The following KALRN variants were observed in gnomAD, a reference collection of about 807,000 sequenced individuals.
KALRN encodes the protein kalirin RhoGEF kinase, also known as kalirin.
A neutral mutation model predicts 353.7 loss-of-function variants in KALRN; 70 were observed. That is an observed-to-expected ratio of 0.20 (90% confidence interval 0.16 to 0.24). KALRN has a LOEUF of 0.24. KALRN is among the 10% of genes least tolerant of loss of function. The pLI is 1.00. For missense variants in KALRN, 2,791 were observed against 3,756.7 expected (o/e 0.74, Z 6.72); for synonymous variants, 1,391 against 1,434.8 (o/e 0.97, Z 0.69).
chr3:124,117,944 G>T (rs1382618069), intron 1 of KALRN, among the ~76,000 whole-genome samples: 3 of 152,166 alleles, frequency 2.0e-5, no homozygotes, highest in African/African-American at 4.8e-5. Context: ...TTCTCACAGT[G>T]CCAGGGATTT....
intron 34 of KALRN, among the ~76,000 whole-genome samples, chr3:124,588,708 G>C (rs966401009): frequency 6.6e-6 from 1 of 152,134 alleles, no homozygotes; most frequent in Non-Finnish European, 1.5e-5. Flanking sequence ...TTACAGGTGT[G>C]AGTCACCGTG....
At chr3:124,377,499 A>C (rs1040489646) in intron 10 of KALRN, among the ~76,000 whole-genome samples, 1 of 152,072 alleles carries the variant, frequency 6.6e-6, no homozygotes, top group Non-Finnish European at 1.5e-5. Context: ...TTCTGTGAGC[A>C]CTTGAAAAGA....
chr3:124,217,511 T>A (rs992018664), intron 1 of KALRN, among the ~76,000 whole-genome samples: 19 of 152,302 alleles, frequency 1.2e-4, no homozygotes, highest in African/African-American at 4.6e-4. Context: ...TGCTTCTTGG[T>A]TACCACAATA....
intron 1 of KALRN, among the ~76,000 whole-genome samples, chr3:124,064,084 T>C (rs2042166797): frequency 6.6e-6 from 1 of 152,180 alleles, no homozygotes. Context: ...GGCCCCATGT[T>C]AAGGATTGAG....
chr3:124,499,788 G>A (rs373408510), intron 33 of KALRN, among the ~76,000 whole-genome samples: 7 of 152,130 alleles, frequency 4.6e-5, no homozygotes, highest in African/African-American at 7.2e-5. Flanking sequence ...ATTGTACCAC[G>A]TTTTACCAGT....
chr3:124,599,510 C>G (rs2076592389), intron 34 of KALRN, among the ~76,000 whole-genome samples: 2 of 152,204 alleles, frequency 1.3e-5, no homozygotes. Flanking sequence ...CATTTCTGTT[C>G]TGAGGCATTG....
chr3:124,457,440 A>G (rs1016100952), intron 23 of KALRN, among the ~76,000 whole-genome samples: 1 of 152,182 alleles, frequency 6.6e-6, no homozygotes, highest in African/African-American at 2.4e-5. Flanking sequence ...ATTATTTGCA[A>G]AAACTTCCCA....
chr3:124,145,129 C>A (rs12053915), intron 1 of KALRN, among the ~76,000 whole-genome samples: 53,879 of 151,844 alleles, frequency 0.35, 9,693 homozygotes, highest in East Asian at 0.47. Flanking sequence ...GAAAAGATGC[C>A]CAGCAGCTGG....
intron 1 of KALRN, among the ~76,000 whole-genome samples, chr3:124,093,333 C>T (rs1264340712): frequency 6.6e-6 from 1 of 152,218 alleles, no homozygotes; most frequent in Non-Finnish European, 1.5e-5. Context: ...AGTGAGAAGG[C>T]ATTGCTGGCA....
chr3:124,654,554 C>T (rs2083787562), intron 38 of KALRN, among the ~76,000 whole-genome samples: 1 of 152,202 alleles, frequency 6.6e-6, no homozygotes, highest in East Asian at 1.9e-4. Context: ...CAGTAGGTTG[C>T]ACAGCACCAC....
intron 32 of KALRN, among the ~76,000 whole-genome samples, chr3:124,493,814 C>G (rs548409577): frequency 6.6e-6 from 1 of 152,312 alleles, no homozygotes; most frequent in South Asian, 2.1e-4. Context: ...GGGGCGGAAG[C>G]CCCAAGACCT....
chr3:124,047,635 G>A (rs2040614663), intron 1 of KALRN, among the ~76,000 whole-genome samples: 2 of 151,154 alleles, frequency 1.3e-5, no homozygotes, highest in African/African-American at 4.9e-5. Context: ...TGCAACTACA[G>A]GCGCCCGCCA....
chr3:124,371,596 C>T (rs895317729), intron 10 of KALRN, among the ~76,000 whole-genome samples: 30 of 152,002 alleles, frequency 2.0e-4, no homozygotes, highest in African/African-American at 6.8e-4. Context: ...GAAACATTTG[C>T]AAAACAAATG....
At chr3:124,164,066 G>A in intron 1 of KALRN, 1 of 751,436 alleles carries the variant, frequency 1.3e-6, no homozygotes. Flanking sequence ...AGCTATCACT[G>A]CATCCAGATT....
At chr3:124,614,755 A>G (rs1379951729) in intron 34 of KALRN, among the ~76,000 whole-genome samples, 3 of 151,302 alleles carry the variant, frequency 2.0e-5, no homozygotes, top group African/African-American at 4.9e-5. Context: ...TTATTTTGGT[A>G]GGGACAGGGT....
chr3:124,315,253 C>T (rs966525120), intron 6 of KALRN, among the ~76,000 whole-genome samples: 9 of 152,190 alleles, frequency 5.9e-5, no homozygotes, highest in African/African-American at 1.2e-4. Flanking sequence ...TTTGCTTTTA[C>T]GCCCTAACTC....
At chr3:124,150,405 C>G (rs1326399324) in intron 1 of KALRN, among the ~76,000 whole-genome samples, 1 of 151,680 alleles carries the variant, frequency 6.6e-6, no homozygotes, top group Non-Finnish European at 1.5e-5. Flanking sequence ...TATTATTATA[C>G]TTTAAGTTCT....
At chr3:124,617,987 G>A (rs2078806991) in intron 34 of KALRN, among the ~76,000 whole-genome samples, 1 of 151,878 alleles carries the variant, frequency 6.6e-6, no homozygotes, top group Non-Finnish European at 1.5e-5. Context: ...AAAAGACTGG[G>A]GGCAGAGAGA....
chr3:124,590,096 A>G (rs934877207), intron 34 of KALRN, among the ~76,000 whole-genome samples: 2 of 152,138 alleles, frequency 1.3e-5, no homozygotes, highest in Admixed American at 1.3e-4. Context: ...AGTAGCACAC[A>G]TATTTACTGT....
Sources: gnomAD v4.1 joint callset for allele counts (sites outside exome capture counted in the v4.1 genomes callset) on GRCh38, gnomAD v4.1.1 for gene constraint, MANE v1.5 for transcripts, NCBI Gene and HGNC (gene_info 2026-07-23, HGNC 2026-07-21) for gene names.